Variants in HMGCS1 observed in about 807,000 individuals in gnomAD.
The protein encoded by HMGCS1 is 3-hydroxy-3-methylglutaryl-CoA synthase 1.
Under a neutral mutation model 52.3 loss-of-function variants are expected in HMGCS1, and 9 were observed. That is an observed-to-expected ratio of 0.17 (90% confidence interval 0.10 to 0.30). The LOEUF is 0.30. Among genes scored for constraint, HMGCS1 ranks in the 10% least tolerant of loss-of-function variants. The pLI is 1.00. For synonymous variants in HMGCS1, 176 were observed against 214.4 expected, an observed-to-expected ratio of 0.82 and a Z score of 1.57; for missense variants, 320 against 620.9, an observed-to-expected ratio of 0.52 and a Z score of 5.15.
At position 43,293,989 on chromosome 5, in the gene HMGCS1, A is replaced by G. The variant is rs549595539; in HGVS notation, c.1183+67T>C. On this transcript the variant is annotated intron_variant, in intron 8 of 10. Transcript: ENST00000325110. ...CTCGGCCTCCCAAACTGCTGGGATT[A>G]CGGGTGTGAGCCACTGTGCCTGGAC... 3.4e-5 allele frequency: 35 copies of G among 1,038,216 alleles called. No individual in the cohort carries two copies. The African/African-American group carries it at 5.2e-4, about 15-fold the overall frequency. 64.3% of individuals were successfully genotyped at this position (1,038,216 alleles called of 1,614,324 possible).
At chr5:43,304,623 T>C (rs1339730237) in intron 2 of HMGCS1, among the ~76,000 whole-genome samples, 1 of 152,248 alleles carries the variant, frequency 6.6e-6, no homozygotes, top group Non-Finnish European at 1.5e-5. Flanking sequence ...AAGATACAAC[T>C]CTATGACTCC....
chr5:43,288,828 C>A lies in HMGCS1; in HGVS notation c.*2303G>T, dbSNP rs1753609099. ...AGAAAATATATAATTTGGTTTATTT[C>A]CTAATTCATAGAATCCTAAGACTTG... On this transcript the variant is annotated 3_prime_UTR_variant, in exon 11 of 11. Transcript: ENST00000325110. 6.6e-6 allele frequency: 1 copy of A among 152,080 alleles called. No homozygotes were observed. The highest frequency in any genetic ancestry group is 2.1e-4 in the South Asian group (1 of 4,820). 9.4% of individuals were successfully genotyped at this position (152,080 alleles called of 1,614,324 possible). A position where few individuals can be genotyped will look rare whatever the true frequency, so the allele number is the denominator to read the frequency against.
intron 5 of HMGCS1, among the ~76,000 whole-genome samples, chr5:43,296,200 G>A (rs1172497954): frequency 6.6e-6 from 1 of 151,856 alleles, no homozygotes; most frequent in East Asian, 1.9e-4. Context: ...AAATAAAAGA[G>A]TATTTTAAAA....
chr5:43,294,251 G>T, intron 7 of HMGCS1, 89 bp from the exon 8 acceptor site: 1 of 750,114 alleles, frequency 1.3e-6, no homozygotes, highest in Non-Finnish European at 2.3e-6. Context: ...AAAAATTTAG[G>T]CTATAAGTAA....
intron 10 of HMGCS1, among the ~76,000 whole-genome samples, chr5:43,291,582 A>G (rs568961111): frequency 3.3e-5 from 5 of 152,342 alleles, no homozygotes; most frequent in Admixed American, 3.3e-4. Flanking sequence ...ACTTGTAGTA[A>G]GCAGATAAAT....
Position 43,290,178 on chromosome 5 carries a change from G to A in HMGCS1, c.*953C>T, listed in dbSNP as rs1162785109. 2.6e-5 allele frequency: 4 copies of A among 151,892 alleles called. No individual in the cohort carries two copies. The highest frequency in any genetic ancestry group is 1.9e-4 in the East Asian group (1 of 5,170). 9.4% of individuals were successfully genotyped at this position (151,892 alleles called of 1,614,324 possible). A position where few individuals can be genotyped will look rare whatever the true frequency, so the allele number is the denominator to read the frequency against. On this transcript the variant is annotated 3_prime_UTR_variant, in exon 11 of 11. Coordinates refer to ENST00000325110, the MANE Select transcript of HMGCS1 (RefSeq NM_001098272.3). ...GCCTCTATGTTGAATTTATAACACT[G>A]AAGCATCAGAAATAGCCTAATAATG... is the stretch of plus-strand genomic sequence containing the variant.
chr5:43,292,370 C>T (rs756333689), intron 10 of HMGCS1, 104 bp downstream of exon 10: 2 of 833,544 alleles, frequency 2.4e-6, no homozygotes, highest in Non-Finnish European at 3.7e-6. Flanking sequence ...CTAGAATCTA[C>T]TCCCAGAGCC....
chr5:43,290,980 G>C lies in HMGCS1; in HGVS notation c.*151C>G, dbSNP rs759278474. The C allele has an allele frequency of 6.8e-6, 4 of 588,954 alleles. No homozygotes were observed. Among genetic ancestry groups the C allele is most frequent in the Non-Finnish European group, 1.2e-5 (4 of 326,108 alleles). 36.5% of individuals were successfully genotyped at this position (588,954 alleles called of 1,614,324 possible). A position where few individuals can be genotyped will look rare whatever the true frequency, so the allele number is the denominator to read the frequency against. On this transcript the variant is annotated 3_prime_UTR_variant, in exon 11 of 11. Transcript: ENST00000325110. ...AGCAAAGAGACTTTCCCAAGTACACGATAGTCATCCAGGCTCCATGTCAGT... is the reference window on the plus strand; with the variant it reads ...AGCAAAGAGACTTTCCCAAGTACACCATAGTCATCCAGGCTCCATGTCAGT...
intron 7 of HMGCS1, chr5:43,294,484 A>C: frequency 1.2e-5 from 6 of 498,250 alleles, no homozygotes; most frequent in South Asian, 1.0e-4. Context: ...AAGCCAGGAA[A>C]GCCAGTATGA....
At chr5:43,293,736 C>T (rs35576804) in intron 8 of HMGCS1, 571 of 149,680 alleles carry the variant, frequency 3.8e-3, no homozygotes, top group Non-Finnish European at 6.0e-3. Flanking sequence ...TTTTTTTTGA[C>T]AGAGTCTCGC....
intron 10 of HMGCS1, among the ~76,000 whole-genome samples, chr5:43,291,447 CCA>C (rs1753763890): frequency 6.6e-6 from 1 of 152,014 alleles, no homozygotes; most frequent in African/African-American, 2.4e-5. Flanking sequence ...AGGAAGCCTG[CCA>C]CAGAGACCCA....
At position 43,291,092 on chromosome 5, in the gene HMGCS1, G is replaced by GCCCCCCCCCC; in HGVS notation, c.*38_*39insGGGGGGGGGG. 2 of 477,554 alleles carry GCCCCCCCCCC rather than the reference G, an allele frequency of 4.2e-6. No homozygotes were observed. The highest frequency in any genetic ancestry group is 4.8e-5 in the East Asian group (1 of 21,018). 29.6% of individuals were successfully genotyped at this position (477,554 alleles called of 1,614,324 possible). A position where few individuals can be genotyped will look rare whatever the true frequency, so the allele number is the denominator to read the frequency against. On this transcript the variant is annotated 3_prime_UTR_variant, in exon 11 of 11. Coordinates refer to ENST00000325110, the MANE Select transcript of HMGCS1 (RefSeq NM_001098272.3). ...AACTGTTCCCATACCCCCACCCCAT[G>GCCCCCCCCCC]CCCACCCCACCCTGAAGTCTTGCAC...
At chr5:43,302,374 C>T (rs1235083785) in intron 2 of HMGCS1, among the ~76,000 whole-genome samples, 4 of 152,146 alleles carry the variant, frequency 2.6e-5, no homozygotes, top group African/African-American at 4.8e-5. Context: ...TTCAACAACC[C>T]ACCTCGTGCT....
At chr5:43,292,136 G>T (rs1347094609) in intron 10 of HMGCS1, among the ~76,000 whole-genome samples, 1 of 151,772 alleles carries the variant, frequency 6.6e-6, no homozygotes, top group African/African-American at 2.4e-5. Context: ...GGAATTACAG[G>T]CACGTGCCAC....
chr5:43,297,900 T>C (rs1344413206), intron 4 of HMGCS1, 109 bp downstream of exon 4: 3 of 845,842 alleles, frequency 3.5e-6, no homozygotes, highest in East Asian at 5.6e-5. Flanking sequence ...TCTTAGCAAG[T>C]AGTACCTGCA....
intron 2 of HMGCS1, among the ~76,000 whole-genome samples, chr5:43,302,814 T>C (rs1174394112): frequency 6.6e-6 from 1 of 152,206 alleles, no homozygotes; most frequent in Admixed American, 6.5e-5. Flanking sequence ...AACCTTCGCA[T>C]TCTTTTTTGG....
At chr5:43,293,792 C>A (rs1458835282) in intron 8 of HMGCS1, 2 of 273,548 alleles carry the variant, frequency 7.3e-6, no homozygotes, top group South Asian at 1.1e-4. Context: ...TGGCTCACCA[C>A]AACCTCCCTC....
intron 2 of HMGCS1, among the ~76,000 whole-genome samples, chr5:43,305,310 G>A (rs1385909143): frequency 1.3e-5 from 2 of 151,636 alleles, no homozygotes; most frequent in Non-Finnish European, 2.9e-5. Context: ...CTATCCTATT[G>A]AGCATGTGCT....
In HMGCS1 at chr5:43,295,834, G is replaced by A; in HGVS notation, c.823C>T (p.Leu275=). The stretch of plus-strand genomic sequence containing the variant: ...AAGTCATTCAGCAACATCCGAGCTA[G>A]AGATTTCTGAACCAGTTTACAATAT... The part of the protein sequence containing the change: ...SPYCKLVQKS[L]ARMLLNDFLN... Residue 275 remains leucine (L), a synonymous_variant, in exon 6 of 11, where the codon CTA becomes TTA. Coordinates refer to ENST00000325110, the MANE Select transcript of HMGCS1 (RefSeq NM_001098272.3). The A allele has an allele frequency of 1.2e-6, 2 of 1,612,774 alleles. No homozygotes were observed. Among genetic ancestry groups the A allele is most frequent in the East Asian group, 4.5e-5 (2 of 44,814 alleles).
Sources: allele counts gnomAD v4.1 joint callset (sites outside exome capture counted in the v4.1 genomes callset), GRCh38; gene constraint gnomAD v4.1.1; transcripts MANE v1.5; gene names NCBI Gene and HGNC (gene_info 2026-07-23, HGNC 2026-07-21).